KAZN: variants seen among roughly 807,000 people sequenced by gnomAD.
The protein encoded by KAZN is kazrin.
A neutral mutation model predicts 87.4 loss-of-function variants in KAZN; 40 were observed. The ratio of observed to expected loss-of-function variants is 0.46; its 90% CI spans 0.36 to 0.60. KAZN has a LOEUF of 0.60. Ranked by LOEUF, KAZN falls within the 20% of genes least tolerant of loss-of-function variation. The pLI is 0.00. For missense variants in KAZN, 898 were observed against 1,073.9 expected, an observed-to-expected ratio of 0.84 and a Z score of 2.29; for synonymous variants, 466 against 458.3, an observed-to-expected ratio of 1.02 and a Z score of -0.22.
intron 8 of KAZN, among the ~76,000 whole-genome samples, chr1:15,076,499 T>G (rs12022003): frequency 0.12 from 17,795 of 152,172 alleles, 1,869 homozygotes; most frequent in East Asian, 0.59. Flanking sequence ...TATTGGCTGT[T>G]GCAAAGATAA....
intron 2 of KAZN, among the ~76,000 whole-genome samples, chr1:14,521,345 C>T (rs564617194): frequency 2.0e-5 from 3 of 152,192 alleles, no homozygotes; most frequent in South Asian, 2.1e-4. Flanking sequence ...GCCCCTCCAA[C>T]CCTTCAGAAT....
chr1:14,514,619 A>ATATTTTATATATTTTTTTATATTT (rs1557770564), intron 2 of KAZN, among the ~76,000 whole-genome samples: 3,792 of 51,864 alleles, frequency 0.073, 152 homozygotes, highest in Non-Finnish European at 0.11. Context: ...ATATATATAT[A>ATATTTTATATATTTTTTTATATTT]TATATATATA....
At chr1:14,485,635 C>T (rs1200100397) in intron 2 of KAZN, among the ~76,000 whole-genome samples, 1 of 152,158 alleles carries the variant, frequency 6.6e-6, no homozygotes, top group Non-Finnish European at 1.5e-5. Context: ...TGGCTCACAC[C>T]TGTAATCCCA....
intron 2 of KAZN, among the ~76,000 whole-genome samples, chr1:14,348,050 A>ATTTT (rs1658241750): frequency 8.5e-5 from 1 of 11,748 alleles, no homozygotes; most frequent in Non-Finnish European, 1.9e-4. Flanking sequence ...ACACCTGGCT[A>ATTTT]ATTTTTTTTT....
chr1:14,852,985 G>A (rs752880226), intron 1 of KAZN, among the ~76,000 whole-genome samples: 5 of 152,320 alleles, frequency 3.3e-5, no homozygotes, highest in Non-Finnish European at 7.4e-5. Context: ...TTTCCCAGGT[G>A]AGGAACCTGA....
intron 10 of KAZN, among the ~76,000 whole-genome samples, chr1:15,100,467 T>C (rs1160614957): frequency 6.6e-6 from 1 of 152,170 alleles, no homozygotes; most frequent in Non-Finnish European, 1.5e-5. Context: ...ACCAGCGCTC[T>C]CCCACCTGTC....
intron 2 of KAZN, among the ~76,000 whole-genome samples, chr1:14,558,263 C>G (rs1429892530): frequency 1.3e-5 from 2 of 152,156 alleles, no homozygotes; most frequent in East Asian, 3.9e-4. Flanking sequence ...TTACACTAGT[C>G]GCCAAAATGA....
intron 1 of KAZN, among the ~76,000 whole-genome samples, chr1:13,964,090 A>G (rs866560918): frequency 6.6e-6 from 1 of 152,132 alleles, no homozygotes; most frequent in Non-Finnish European, 1.5e-5. Flanking sequence ...CTCTTCATCC[A>G]TTTTTTAAAA....
At chr1:14,133,095 G>A (rs576621727) in intron 1 of KAZN, among the ~76,000 whole-genome samples, 7 of 152,222 alleles carry the variant, frequency 4.6e-5, no homozygotes, top group South Asian at 4.2e-4. Context: ...TTGGCTAGGC[G>A]CAGTGGCTCA....
intron 3 of KAZN, among the ~76,000 whole-genome samples, chr1:15,041,964 TA>T (rs1358951889): frequency 2.0e-5 from 3 of 152,196 alleles, no homozygotes; most frequent in Non-Finnish European, 4.4e-5. Context: ...GAGATTTAAA[TA>T]ATGCACCTAA....
chr1:14,082,122 A>G (rs3817954), intron 1 of KAZN, among the ~76,000 whole-genome samples: 15,119 of 152,110 alleles, frequency 0.099, 924 homozygotes, highest in East Asian at 0.13. Context: ...CTGGCCACCA[A>G]ACGTTCCATG....
At chr1:14,249,065 G>A (rs1444409480) in intron 2 of KAZN, among the ~76,000 whole-genome samples, 4 of 152,144 alleles carry the variant, frequency 2.6e-5, no homozygotes, top group Admixed American at 1.3e-4. Context: ...TATTTCAATG[G>A]CAAATGATTT....
chr1:14,050,041 G>A (rs764756856), intron 1 of KAZN, among the ~76,000 whole-genome samples: 25 of 151,176 alleles, frequency 1.7e-4, no homozygotes, highest in African/African-American at 5.1e-4. Context: ...GCATGTGCAC[G>A]TGTGTCTGTG....
At chr1:14,665,494 C>A (rs552132757) in intron 1 of KAZN, among the ~76,000 whole-genome samples, 23 of 151,828 alleles carry the variant, frequency 1.5e-4, no homozygotes, top group African/African-American at 5.3e-4. Flanking sequence ...TATTTGCTGT[C>A]AAGAAGCCTG....
At chr1:14,597,693 C>A (rs899448466), upstream of KAZN, among the ~76,000 whole-genome samples, 13 of 152,110 alleles carry the variant, frequency 8.5e-5, no homozygotes, top group Non-Finnish European at 1.9e-4. Flanking sequence ...TGCTGCTCTC[C>A]GGAGGTTGAC....
In KAZN at chr1:14,784,969, C is replaced by CTTT. The variant is rs143932268; in HGVS notation, c.227-175699_227-175697dup. 1.7e-3 allele frequency among the ~76,000 whole-genome samples: 238 copies of CTTT among 136,088 alleles called. 3 individuals are homozygous for CTTT. Among genetic ancestry groups the CTTT allele is most frequent in the African/African-American group, 5.8e-3 (217 of 37,192 alleles). The allele number at this position is 136,088 out of a possible 152,430, so 89.3% of individuals were successfully genotyped here. On this transcript the variant is annotated intron_variant, in intron 1 of 14. Coordinates refer to ENST00000376030, the MANE Select transcript of KAZN (RefSeq NM_201628.3). Reference sequence around the variant, plus strand: ...ATTTTGATCTCGGCTAGACTGCTTACTTTTTTTTTTTTTTTTTTAAGCTGT... The same window carrying CTTT: ...ATTTTGATCTCGGCTAGACTGCTTACTTTTTTTTTTTTTTTTTTTTTAAGCTGT...
intron 2 of KAZN, among the ~76,000 whole-genome samples, chr1:14,532,491 T>C (rs954392195): frequency 6.6e-6 from 1 of 151,354 alleles, no homozygotes; most frequent in African/African-American, 2.4e-5. Flanking sequence ...TATTATACTT[T>C]AAGTTTTAGG....
chr1:14,459,448 G>T (rs538228023), intron 2 of KAZN, among the ~76,000 whole-genome samples: 52 of 152,128 alleles, frequency 3.4e-4, no homozygotes, highest in African/African-American at 1.2e-3. Context: ...CCCCCAATCA[G>T]ATTAACGTGG....
upstream of KAZN, among the ~76,000 whole-genome samples, chr1:14,595,680 C>CAAAAAAAAAAAAAAAAAAAAAAAAA (rs34080804): frequency 1.0e-5 from 1 of 96,690 alleles, no homozygotes; most frequent in Non-Finnish European, 2.1e-5. Context: ...GACTGCGTCT[C>CAAAAAAAAAAAAAAAAAAAAAAAAA]AAAAAAAAAA....
Sources: gnomAD v4.1 joint callset for allele counts (sites outside exome capture counted in the v4.1 genomes callset) on GRCh38, gnomAD v4.1.1 for gene constraint, MANE v1.5 for transcripts, NCBI Gene and HGNC (gene_info 2026-07-23, HGNC 2026-07-21) for gene names.